The following PDE4B variants were observed in gnomAD, a reference collection of about 807,000 sequenced individuals.
PDE4B encodes phosphodiesterase 4B.
PDE4B carries 20 observed loss-of-function variants against 82.2 expected under a neutral mutation model. That is an observed-to-expected ratio of 0.24 (90% CI 0.17 to 0.35). The LOEUF (loss-of-function observed/expected upper bound fraction) is 0.35, where lower values mean the gene tolerates loss of function less well. Among genes scored for constraint, PDE4B ranks in the 10% least tolerant of loss-of-function variants. The probability of loss-of-function intolerance (pLI) is 1.00; values close to 1 mark genes in which losing one functional copy is unlikely to be tolerated. For missense variants in PDE4B, 655 were observed against 907.2 expected (o/e 0.72, Z 3.57); for synonymous variants, 320 against 318.9 (o/e 1.00, Z -0.04).
chr1:66,327,511 G>A (rs1423367880), intron 7 of PDE4B, among the ~76,000 whole-genome samples: 2 of 152,104 alleles, frequency 1.3e-5, no homozygotes, highest in Admixed American at 6.6e-5. Flanking sequence ...TATCCCATCT[G>A]TAACAATAAA....
At chr1:65,898,887 C>G (rs538914977) in intron 1 of PDE4B, among the ~76,000 whole-genome samples, 1 of 152,092 alleles carries the variant, frequency 6.6e-6, no homozygotes, top group African/African-American at 2.4e-5. Flanking sequence ...TGTAAAAACC[C>G]TTCTAGACAT....
chr1:66,277,801 C>T (rs534941), intron 7 of PDE4B, among the ~76,000 whole-genome samples: 1,890 of 152,296 alleles, frequency 0.012, 36 homozygotes, highest in African/African-American at 0.043. Flanking sequence ...ATACTCAGCT[C>T]CTGCCCCTTC....
At chr1:65,812,899 T>C (rs1645835791) in intron 1 of PDE4B, among the ~76,000 whole-genome samples, 1 of 152,188 alleles carries the variant, frequency 6.6e-6, no homozygotes, top group Admixed American at 6.5e-5. Context: ...TCAACTGCTT[T>C]CTAAGGGTCC....
At chr1:66,208,521 C>T (rs1001242262) in intron 3 of PDE4B, among the ~76,000 whole-genome samples, 5 of 152,298 alleles carry the variant, frequency 3.3e-5, no homozygotes, top group African/African-American at 1.2e-4. Context: ...TCAAGAGAAG[C>T]TATGCTAATC....
At chr1:66,244,806 G>T (rs530099816) in intron 3 of PDE4B, among the ~76,000 whole-genome samples, 1 of 152,314 alleles carries the variant, frequency 6.6e-6, no homozygotes, top group South Asian at 2.1e-4. Flanking sequence ...AAGAAGGAAA[G>T]AAAACAAAAG....
intron 1 of PDE4B, among the ~76,000 whole-genome samples, chr1:65,794,242 A>G (rs1280949005): frequency 6.6e-6 from 1 of 152,182 alleles, no homozygotes; most frequent in East Asian, 1.9e-4. Flanking sequence ...AATCACATGC[A>G]TCGTTTAATT....
chr1:65,796,116 C>A (rs1645629237), intron 1 of PDE4B, among the ~76,000 whole-genome samples: 1 of 152,156 alleles, frequency 6.6e-6, no homozygotes, highest in Non-Finnish European at 1.5e-5. Flanking sequence ...ATACACAATG[C>A]GTCATTTCTC....
intron 3 of PDE4B, among the ~76,000 whole-genome samples, chr1:66,023,560 G>A (rs1450668345): frequency 6.6e-6 from 1 of 152,144 alleles, no homozygotes; most frequent in Non-Finnish European, 1.5e-5. Flanking sequence ...GCAATAGCAG[G>A]CCCTATAGTA....
intron 3 of PDE4B, among the ~76,000 whole-genome samples, chr1:65,993,667 G>A (rs1233828560): frequency 6.6e-6 from 1 of 151,994 alleles, no homozygotes; most frequent in Non-Finnish European, 1.5e-5. Flanking sequence ...CAATACTTAA[G>A]GAAAGGGAAA....
At chr1:65,845,176 A>G (rs1418626916) in intron 1 of PDE4B, among the ~76,000 whole-genome samples, 1 of 152,222 alleles carries the variant, frequency 6.6e-6, no homozygotes, top group Non-Finnish European at 1.5e-5. Flanking sequence ...AACATCCAAC[A>G]TAACTTTGGC....
chr1:65,857,086 T>A (rs564109448), intron 1 of PDE4B, among the ~76,000 whole-genome samples: 115 of 152,322 alleles, frequency 7.5e-4, no homozygotes, highest in Non-Finnish European at 6.3e-4. Flanking sequence ...GCTCCCTAAC[T>A]GTTTTCTCTG....
At chr1:66,031,976 T>C (rs1483560737) in intron 3 of PDE4B, among the ~76,000 whole-genome samples, 1 of 152,166 alleles carries the variant, frequency 6.6e-6, no homozygotes, top group Non-Finnish European at 1.5e-5. Context: ...TTGAACAGAA[T>C]TTGAAGTACA....
intron 3 of PDE4B, among the ~76,000 whole-genome samples, chr1:66,097,202 C>T (rs1645135440): frequency 6.6e-6 from 1 of 152,000 alleles, no homozygotes; most frequent in African/African-American, 2.4e-5. Context: ...GGTTATAATA[C>T]TTTACATCTC....
chr1:65,897,891 T>C (rs1442110290), intron 1 of PDE4B, among the ~76,000 whole-genome samples: 1 of 152,132 alleles, frequency 6.6e-6, no homozygotes, highest in African/African-American at 2.4e-5. Context: ...CTGTTTTAAG[T>C]TCTTTGAGAA....
chr1:65,930,308 A>C (rs566113955), intron 3 of PDE4B, among the ~76,000 whole-genome samples: 167 of 152,348 alleles, frequency 1.1e-3, no homozygotes, highest in African/African-American at 3.9e-3. Context: ...ACCCTCACAG[A>C]CATGCCCAGG....
At chr1:65,919,834 C>T (rs1647205960) in intron 3 of PDE4B, among the ~76,000 whole-genome samples, 1 of 152,124 alleles carries the variant, frequency 6.6e-6, no homozygotes, top group South Asian at 2.1e-4. Flanking sequence ...ATCTTGACAT[C>T]CTTTAGTCAA....
chr1:66,001,602 A>G (rs1401171772), intron 3 of PDE4B, among the ~76,000 whole-genome samples: 2 of 152,178 alleles, frequency 1.3e-5, no homozygotes, highest in African/African-American at 4.8e-5. Flanking sequence ...TTATGAATAA[A>G]GGTGATATAA....
At chr1:66,140,603 A>G (rs1418236565) in intron 3 of PDE4B, among the ~76,000 whole-genome samples, 1 of 152,234 alleles carries the variant, frequency 6.6e-6, no homozygotes, top group Non-Finnish European at 1.5e-5. Flanking sequence ...TGCTGTTTAT[A>G]GAAATCCTTA....
chr1:66,120,579 A>C (rs772378168), intron 3 of PDE4B, among the ~76,000 whole-genome samples: 2 of 152,174 alleles, frequency 1.3e-5, no homozygotes, highest in Non-Finnish European at 2.9e-5. Context: ...TTAATTAAAA[A>C]AATTATTTGC....
Sources: allele counts gnomAD v4.1 joint callset (sites outside exome capture counted in the v4.1 genomes callset), GRCh38; gene constraint gnomAD v4.1.1; transcripts MANE v1.5; gene names NCBI Gene and HGNC (gene_info 2026-07-23, HGNC 2026-07-21).